Variants in MTMR10 observed in about 807,000 individuals in gnomAD.
MTMR10 encodes myotubularin related protein 10.
MTMR10 carries 56 observed loss-of-function variants against 88.1 expected under a neutral mutation model. The observed-to-expected ratio is 0.64, with a 90% CI of 0.51 to 0.79. MTMR10 has a LOEUF of 0.79. Ranked by LOEUF, MTMR10 falls within the 30% of genes least tolerant of loss-of-function variation. MTMR10 has a pLI of 0.00. For synonymous variants in MTMR10, 380 were observed against 340.9 expected, an observed-to-expected ratio of 1.11 and a Z score of -1.26; for missense variants, 883 against 924.7, an observed-to-expected ratio of 0.95 and a Z score of 0.58.
In MTMR10 at chr15:30,959,098, G is replaced by C; in HGVS notation, c.782C>G (p.Pro261Arg). Residue 261 changes from proline (P) to arginine (R), a missense_variant, in exon 8 of 16, where the codon CCA becomes CGA. Physicochemically the swap from Pro to Arg is moderately radical, Grantham distance 103 (BLOSUM62 -2). Transcript: ENST00000435680. ...STCLPEYIVV[P>R]SSLADQDLKI... ...TAGATCTTGGTCTGCTAAAGAACTT[G>C]GCACTACAATGTATTCTGGAAGGCT... The C allele has an allele frequency of 2.5e-6, 4 of 1,605,128 alleles. No homozygotes were observed. The highest frequency in any genetic ancestry group is 3.4e-6 in the Non-Finnish European group (4 of 1,175,512).
rs371752995 is a variant in MTMR10, at chr15:30,942,874, G to C, written c.1731+16C>G. ...TACGTGTGAGCCAACATCACGTTTT[G>C]TTAGCTGTGATTTACCTTTGTCCGT... On this transcript the variant is annotated intron_variant, in intron 15 of 15. Coordinates refer to ENST00000435680, the MANE Select transcript of MTMR10 (RefSeq NM_017762.3). The C allele has an allele frequency of 5.8e-6, 9 of 1,550,398 alleles. No homozygotes were observed. The highest frequency in any genetic ancestry group is 7.9e-6 in the Non-Finnish European group (9 of 1,145,622).
chr15:30,925,971 A>T, the MTMR10 span: 1 of 1,610,510 alleles, frequency 6.2e-7, no homozygotes, highest in Non-Finnish European at 8.5e-7. Flanking sequence ...TGTGGCACCC[A>T]GCCCCGGGTG....
chr15:30,950,569 C>G (rs1160157096), intron 12 of MTMR10, among the ~76,000 whole-genome samples: 1 of 151,920 alleles, frequency 6.6e-6, no homozygotes, highest in Middle Eastern at 3.4e-3. Context: ...ACTTGGGAGG[C>G]TGAAGCAGGA....
At chr15:30,945,340 TAG>T (rs1409830376) in intron 14 of MTMR10, among the ~76,000 whole-genome samples, 1 of 152,118 alleles carries the variant, frequency 6.6e-6, no homozygotes, top group Non-Finnish European at 1.5e-5. Flanking sequence ...GAAATACTTG[TAG>T]AAAGTATTTT....
intron 2 of MTMR10, among the ~76,000 whole-genome samples, chr15:30,984,936 T>C (rs1244053901): frequency 6.6e-6 from 1 of 152,174 alleles, no homozygotes; most frequent in East Asian, 1.9e-4. Context: ...CTTACTACTT[T>C]TTCTCTCCTC....
intron 12 of MTMR10, chr15:30,948,685 T>C: frequency 1.7e-6 from 1 of 579,820 alleles, no homozygotes; most frequent in Non-Finnish European, 3.0e-6. Context: ...CTTTTATACA[T>C]GGATATTTGC....
chr15:30,986,054 C>T (rs1397548358), intron 2 of MTMR10, among the ~76,000 whole-genome samples: 2 of 152,114 alleles, frequency 1.3e-5, no homozygotes, highest in Admixed American at 6.6e-5. Flanking sequence ...TGGTGGCTCA[C>T]GGCTATAATC....
rs1434027843 is a variant in MTMR10 at position 30,941,540 on chromosome 15, G to T, written c.2264C>A (p.Thr755Lys). The T allele has an allele frequency of 6.2e-7, 1 of 1,608,740 alleles. No individual in the cohort carries two copies. Among genetic ancestry groups the T allele is most frequent in the Non-Finnish European group, 8.5e-7 (1 of 1,177,226 alleles). ...CCCACTTAAAAATTTGCTTAATGGT[G>T]TTCCTAAAATGCTTCGTCTGCACAG... ...GNLCRRSILG[T>K]PLSKFLSGAK... The change falls in exon 16 of 16, where the codon ACA (threonine) becomes AAA (lysine). Residue 755 changes from threonine (T) to lysine (K), a missense_variant. Thr to Lys is a moderately conservative substitution (Grantham distance 78). Coordinates refer to ENST00000435680, the MANE Select transcript of MTMR10 (RefSeq NM_017762.3).
Position 30,967,971 on chromosome 15 carries a change from G to C in MTMR10, c.514C>G (p.Leu172Val). 1 of 1,574,704 alleles carries C rather than the reference G, an allele frequency of 6.4e-7. No homozygotes were observed. The highest frequency in any genetic ancestry group is 8.6e-7 in the Non-Finnish European group (1 of 1,158,818). ...TATTCAAATGCAAAGAGTAGCTGGAGGTCTGTTGGCTGGGAATAATGAGCT... is the reference window on the plus strand; with the variant it reads ...TATTCAAATGCAAAGAGTAGCTGGACGTCTGTTGGCTGGGAATAATGAGCT... ...AIAHYSQPTDLQLLFAFEYVG... is the reference protein window; with the variant it reads ...AIAHYSQPTDVQLLFAFEYVG... Residue 172 changes from leucine (L) to valine (V), a missense_variant, in exon 6 of 16, where the codon CTC becomes GTC. This residue lies in a region of MTMR10 where 414 missense variants were observed against 423.2 expected (regional missense o/e 0.98). Coordinates refer to ENST00000435680, the MANE Select transcript of MTMR10 (RefSeq NM_017762.3).
Position 30,939,814 on chromosome 15 carries a change from C to A in MTMR10, c.*1656G>T. On this transcript the variant is annotated 3_prime_UTR_variant, in exon 16 of 16. Transcript: ENST00000435680. ...GTTATAAGGAGATTGGGTCTGGTTT[C>A]TAATCAAGGACTGTAAAATGTTTAA... 2.0e-6 allele frequency: 2 copies of A among 985,282 alleles called. No individual in the cohort carries two copies. The highest frequency in any genetic ancestry group is 2.4e-6 in the Non-Finnish European group (2 of 829,810). The allele number at this position is 985,282 out of a possible 1,614,324, so 61.0% of individuals were successfully genotyped here. A position where few individuals can be genotyped will look rare whatever the true frequency, so the allele number is the denominator to read the frequency against.
rs2030182200 is a variant in MTMR10 at position 30,976,746 on chromosome 15, G to A, written c.258+73C>T. On this transcript the variant is annotated intron_variant, in intron 3 of 15. Transcript: ENST00000435680. Reference sequence around the variant, plus strand: ...TCTACTATAACTTTTCCATACCTATGTTTTATATAATAATATGTACCACTT... The same window carrying A: ...TCTACTATAACTTTTCCATACCTATATTTTATATAATAATATGTACCACTT... 3 of 1,477,076 alleles carry A rather than the reference G, an allele frequency of 2.0e-6. No homozygotes were observed. The South Asian group carries it at 4.0e-5, about 20-fold the overall frequency. 91.5% of individuals were successfully genotyped at this position (1,477,076 alleles called of 1,614,324 possible).
chr15:30,932,030 G>A, the MTMR10 span, among the ~76,000 whole-genome samples: 1 of 151,584 alleles, frequency 6.6e-6, no homozygotes, highest in Admixed American at 6.6e-5. Flanking sequence ...AGACCATCCT[G>A]GCTAACATGG....
At position 30,941,949 on chromosome 15, in the gene MTMR10, G is replaced by C; in HGVS notation, c.1855C>G (p.Gln619Glu). ...GTATCACTGTTCTGGCTGTCGGTTT[G>C]CTGAGCTGGATCTGGCTTTGGTTTT... ...ILKPKPDPAQ[Q>E]TDSQNSDTEQ... is the part of the protein sequence containing the mutation. The change falls in exon 16 of 16, where the codon CAA becomes GAA. Residue 619 changes from glutamine to glutamate, a missense_variant. Around this residue, in one of 3 missense-constraint regions of MTMR10, gnomAD observed 343 missense variants for 323.2 expected, o/e 1.06. Coordinates refer to ENST00000435680, the MANE Select transcript of MTMR10 (RefSeq NM_017762.3). 5 of 1,614,014 alleles carry C rather than the reference G, an allele frequency of 3.1e-6. No individual in the cohort carries two copies. Among genetic ancestry groups the C allele is most frequent in the Non-Finnish European group, 4.2e-6 (5 of 1,179,898 alleles).
At chr15:30,928,645 A>T in the MTMR10 span, 1 of 1,613,744 alleles carries the variant, frequency 6.2e-7, no homozygotes. Flanking sequence ...TGTCTTCAGA[A>T]ACGCCTGTCA....
At chr15:30,964,458 G>A (rs1222981884) in intron 6 of MTMR10, among the ~76,000 whole-genome samples, 4 of 152,118 alleles carry the variant, frequency 2.6e-5, no homozygotes, top group African/African-American at 7.2e-5. Context: ...ATCCTCTATC[G>A]TTTGTTATTT....
At chr15:30,971,014 G>A (rs1323096217) in intron 5 of MTMR10, among the ~76,000 whole-genome samples, 1 of 151,926 alleles carries the variant, frequency 6.6e-6, no homozygotes, top group Admixed American at 6.6e-5. Context: ...ACAGACTAAG[G>A]CACATACAAA....
chr15:30,964,267 G>C (rs2063446355), intron 6 of MTMR10, among the ~76,000 whole-genome samples: 1 of 152,216 alleles, frequency 6.6e-6, no homozygotes, highest in South Asian at 2.1e-4. Flanking sequence ...TTTGGTGACT[G>C]AGTCCAGCAG....
Position 30,968,006 on chromosome 15 carries a change from C to A in MTMR10, c.479G>T (p.Cys160Phe). The A allele has an allele frequency of 6.4e-7, 1 of 1,558,056 alleles. No homozygotes were observed. The highest frequency in any genetic ancestry group is 8.7e-7 in the Non-Finnish European group (1 of 1,149,094). ...ESGPESAKKVCLAIAHYSQPT... is the reference protein window; with the variant it reads ...ESGPESAKKVFLAIAHYSQPT... ...CTGGGAATAATGAGCTATTGCAAGG[C>A]ATACCTAGGAAAAATTCTACATTTA... The change falls in exon 6 of 16, where the codon TGC (cysteine) becomes TTC (phenylalanine). Residue 160 changes from cysteine to phenylalanine, a missense_variant. Physicochemically the swap from Cys to Phe is radical, Grantham distance 205. This residue lies in a region of MTMR10 where 414 missense variants were observed against 423.2 expected (regional missense o/e 0.98). Coordinates refer to ENST00000435680, the MANE Select transcript of MTMR10 (RefSeq NM_017762.3).
chr15:30,982,127 C>T (rs1386826021), intron 2 of MTMR10, among the ~76,000 whole-genome samples: 2 of 149,836 alleles, frequency 1.3e-5, no homozygotes, highest in Non-Finnish European at 3.0e-5. Flanking sequence ...TAGAAAAAAA[C>T]ACGTCAAGGT....
Sources: allele counts gnomAD v4.1 joint callset (sites outside exome capture counted in the v4.1 genomes callset), GRCh38; gene constraint gnomAD v4.1.1; regional missense constraint gnomAD v4.1.1; transcripts MANE v1.5; gene names NCBI Gene and HGNC (gene_info 2026-07-23, HGNC 2026-07-21).